Variants in GRIN2B observed in about 807,000 individuals in gnomAD.
GRIN2B encodes the protein glutamate ionotropic receptor NMDA type subunit 2B.
GRIN2B carries 5 observed loss-of-function variants against 114.5 expected under a neutral mutation model. That is an observed-to-expected ratio of 0.04 (90% CI 0.02 to 0.09). GRIN2B has a LOEUF of 0.09. Among genes scored for constraint, GRIN2B ranks in the 10% least tolerant of loss-of-function variants. The pLI is 1.00. For missense variants in GRIN2B, 1,108 were observed against 1,943.5 expected (o/e 0.57, Z 8.08); for synonymous variants, 787 against 745.1 (o/e 1.06, Z -0.92).
chr12:13,756,246 C>A (rs1287397908), intron 3 of GRIN2B, among the ~76,000 whole-genome samples: 1 of 152,056 alleles, frequency 6.6e-6, no homozygotes, highest in Non-Finnish European at 1.5e-5. Context: ...GAACTCCTAA[C>A]TTCATGATCC....
At chr12:13,822,324 C>T (rs1864954882) in intron 3 of GRIN2B, among the ~76,000 whole-genome samples, 1 of 152,158 alleles carries the variant, frequency 6.6e-6, no homozygotes, top group African/African-American at 2.4e-5. Flanking sequence ...GGTCCACCCT[C>T]TCAGTTAGGC....
chr12:13,726,812 C>T (rs1862998200), intron 4 of GRIN2B, among the ~76,000 whole-genome samples: 1 of 151,914 alleles, frequency 6.6e-6, no homozygotes, highest in African/African-American at 2.4e-5. Context: ...TTATCCCTCA[C>T]CCGCCTCCGA....
intron 4 of GRIN2B, among the ~76,000 whole-genome samples, chr12:13,731,413 C>G (rs1195278565): frequency 6.6e-6 from 1 of 152,150 alleles, no homozygotes; most frequent in Admixed American, 6.5e-5. Context: ...TCATGGCTAA[C>G]ACGGTGAAAC....
chr12:13,734,900 G>A (rs1029593766), intron 4 of GRIN2B, among the ~76,000 whole-genome samples: 5 of 152,216 alleles, frequency 3.3e-5, no homozygotes, highest in African/African-American at 1.2e-4. Flanking sequence ...GCAAATGCAT[G>A]AAGGGGTAAA....
intron 2 of GRIN2B, among the ~76,000 whole-genome samples, chr12:13,894,683 G>T (rs1171633520): frequency 1.3e-5 from 2 of 151,844 alleles, no homozygotes; most frequent in African/African-American, 2.4e-5. Flanking sequence ...GTTAAACATT[G>T]CTTAAGTATA....
At chr12:13,665,001 G>C (rs950768204) in intron 5 of GRIN2B, among the ~76,000 whole-genome samples, 6 of 152,078 alleles carry the variant, frequency 3.9e-5, no homozygotes, top group Non-Finnish European at 8.8e-5. Flanking sequence ...CTATTTCCTC[G>C]AAAATCCCTT....
intron 4 of GRIN2B, among the ~76,000 whole-genome samples, chr12:13,713,781 T>C (rs768981348): frequency 3.3e-5 from 5 of 151,890 alleles, no homozygotes; most frequent in Non-Finnish European, 5.9e-5. Flanking sequence ...AATCTGTGTC[T>C]ACAAGATGTT....
intron 10 of GRIN2B, among the ~76,000 whole-genome samples, chr12:13,579,473 A>G (rs1396884471): frequency 6.6e-6 from 1 of 152,216 alleles, no homozygotes; most frequent in Non-Finnish European, 1.5e-5. Context: ...CCTACCTCAT[A>G]AAGTTTAAGT....
intron 10 of GRIN2B, among the ~76,000 whole-genome samples, chr12:13,589,925 G>C (rs907917142): frequency 4.6e-5 from 7 of 152,098 alleles, no homozygotes; most frequent in Admixed American, 1.3e-4. Context: ...TTCAGAGAGA[G>C]TATTTCCTTT....
At chr12:13,965,083 T>C (rs766282033) in intron 2 of GRIN2B, among the ~76,000 whole-genome samples, 16 of 152,194 alleles carry the variant, frequency 1.1e-4, no homozygotes, top group Non-Finnish European at 2.1e-4. Context: ...GTTTAGAAAG[T>C]AGAATCTCAG....
chr12:13,934,375 A>T (rs1037417578), intron 2 of GRIN2B, among the ~76,000 whole-genome samples: 1 of 152,218 alleles, frequency 6.6e-6, no homozygotes, highest in Non-Finnish European at 1.5e-5. Flanking sequence ...TAGTTTACAT[A>T]TACATTATTT....
intron 3 of GRIN2B, among the ~76,000 whole-genome samples, chr12:13,765,425 C>T (rs868672185): frequency 6.6e-6 from 1 of 152,208 alleles, no homozygotes; most frequent in African/African-American, 2.4e-5. Flanking sequence ...TGCCTTACGT[C>T]CATCGTGCTG....
intron 2 of GRIN2B, among the ~76,000 whole-genome samples, chr12:13,935,715 A>G (rs188331088): frequency 5.9e-5 from 9 of 152,340 alleles, no homozygotes; most frequent in African/African-American, 1.7e-4. Flanking sequence ...GAAAGTAAAT[A>G]TTCAATAAAT....
intron 10 of GRIN2B, among the ~76,000 whole-genome samples, chr12:13,583,347 A>G (rs1176759475): frequency 6.6e-6 from 1 of 152,228 alleles, no homozygotes; most frequent in Non-Finnish European, 1.5e-5. Flanking sequence ...CATTGATGCT[A>G]TGAGGTAGGC....
intron 10 of GRIN2B, among the ~76,000 whole-genome samples, chr12:13,593,720 A>G (rs1949037957): frequency 6.6e-6 from 1 of 152,268 alleles, no homozygotes; most frequent in Non-Finnish European, 1.5e-5. Flanking sequence ...ACAGCAAAAT[A>G]AACTATCATC....
chr12:13,806,200 C>T (rs1308188213), intron 3 of GRIN2B, among the ~76,000 whole-genome samples: 1 of 152,056 alleles, frequency 6.6e-6, no homozygotes, highest in African/African-American at 2.4e-5. Flanking sequence ...TGGGAGTCAG[C>T]TTTTTCTGAT....
intron 2 of GRIN2B, among the ~76,000 whole-genome samples, chr12:13,902,439 A>T (rs187517645): frequency 0.013 from 2,022 of 152,282 alleles, 25 homozygotes; most frequent in Middle Eastern, 0.034. Context: ...GATACATTTT[A>T]AAAAATGAAC....
intron 2 of GRIN2B, among the ~76,000 whole-genome samples, chr12:13,975,216 G>A (rs1862998701): frequency 6.6e-6 from 1 of 152,226 alleles, no homozygotes; most frequent in African/African-American, 2.4e-5. Context: ...GTGTAGACCT[G>A]TGAAGCGTGG....
At chr12:13,589,046 A>G (rs1948969932) in intron 10 of GRIN2B, among the ~76,000 whole-genome samples, 1 of 152,186 alleles carries the variant, frequency 6.6e-6, no homozygotes, top group South Asian at 2.1e-4. Context: ...GGTTTCCATG[A>G]CATTTTGGGA....
Sources: allele counts gnomAD v4.1 joint callset (sites outside exome capture counted in the v4.1 genomes callset), GRCh38; gene constraint gnomAD v4.1.1; transcripts MANE v1.5; gene names NCBI Gene and HGNC (gene_info 2026-07-23, HGNC 2026-07-21).